The following PCDHGA4 variants were observed in gnomAD, a reference collection of about 807,000 sequenced individuals.
PCDHGA4 encodes the protein protocadherin gamma-A4.
PCDHGA4 carries 38 observed loss-of-function variants against 54.6 expected under a neutral mutation model. That is an observed-to-expected ratio of 0.70 (90% CI 0.54 to 0.91). The LOEUF (loss-of-function observed/expected upper bound fraction) is 0.91. Among genes scored for constraint, PCDHGA4 ranks in the 40% least tolerant of loss-of-function variants. The pLI is 0.00. For synonymous variants in PCDHGA4, 511 were observed against 512.9 expected, an observed-to-expected ratio of 1.00 and a Z score of 0.05; for missense variants, 1,298 against 1,220.9, an observed-to-expected ratio of 1.06 and a Z score of -0.94.
rs529029548 is a variant in PCDHGA4 at position 141,483,337 on chromosome 5, T to C, written c.2515-11470T>C. 9.2e-5 allele frequency among the ~76,000 whole-genome samples: 14 copies of C among 152,260 alleles called. No homozygotes were observed. In the East Asian group the frequency reaches 2.5e-3, roughly 27 times the overall value. On this transcript the variant is annotated intron_variant, in intron 1 of 3. Transcript: ENST00000571252. Reference sequence around the variant, plus strand: ...TGGGACTGGAGGCAAAGAGATCTTATCTCTTTGCAATAGTTTGAAAGCTAT... The same window carrying C: ...TGGGACTGGAGGCAAAGAGATCTTACCTCTTTGCAATAGTTTGAAAGCTAT...
chr5:141,476,820 T>C lies in PCDHGA4; in HGVS notation c.2515-17987T>C, dbSNP rs368919360. 6.2e-7 allele frequency: 1 copy of C among 1,613,594 alleles called. No individual in the cohort carries two copies. Among genetic ancestry groups the C allele is most frequent in the African/African-American group, 1.3e-5 (1 of 75,066 alleles). The stretch of plus-strand genomic sequence containing the variant: ...AGCCTGCCTATTCACATCAAGGTGC[T>C]GGACGCGAATGACAATGCGCCTGTC... On this transcript the variant is annotated intron_variant, in intron 1 of 3. Transcript: ENST00000571252. This position sits in a 1 kb window ranked among gnomAD's most constrained non-coding sequence, Gnocchi z 7.6.
Position 141,357,409 on chromosome 5 carries a change from G to A in PCDHGA4, c.2302G>A (p.Ala768Thr). Reference protein sequence around the residue: ...AEGSRLAGVPASHFVGVDGVR... With the variant: ...AEGSRLAGVPTSHFVGVDGVR... ...AGGCAGCAGGTTGGCAGGTGTGCCT[G>A]CCTCGCACTTTGTGGGCGTGGACGG... is the stretch of plus-strand genomic sequence containing the variant. Residue 768 changes from alanine (A) to threonine (T), a missense_variant, in exon 1 of 4, where the codon GCC becomes ACC. By Grantham distance (58) the Ala-to-Thr change is moderately conservative. Transcript: ENST00000571252. The A allele has an allele frequency of 2.5e-6, 4 of 1,614,250 alleles. No individual in the cohort carries two copies. The highest frequency in any genetic ancestry group is 2.5e-6 in the Non-Finnish European group (3 of 1,180,050).
intron 1 of PCDHGA4, among the ~76,000 whole-genome samples, chr5:141,457,415 C>T (rs185690067): frequency 3.9e-4 from 60 of 152,300 alleles, no homozygotes; most frequent in African/African-American, 1.3e-3. Flanking sequence ...CATTACCCAT[C>T]CCTTTTTCCC....
At chr5:141,359,720 C>T (rs1240719607) in intron 1 of PCDHGA4, among the ~76,000 whole-genome samples, 1 of 152,140 alleles carries the variant, frequency 6.6e-6, no homozygotes, top group Non-Finnish European at 1.5e-5. Context: ...AACTTTAACA[C>T]TCATTTCCCC....
At chr5:141,373,548 A>G (rs546721232) in intron 1 of PCDHGA4, among the ~76,000 whole-genome samples, 5 of 152,332 alleles carry the variant, frequency 3.3e-5, no homozygotes, top group African/African-American at 9.6e-5. Context: ...GGTTGTTGGT[A>G]CCCTTACTGA....
In PCDHGA4 at chr5:141,501,176, T is replaced by C. The variant is rs917315609; in HGVS notation, c.2574-4217T>C. ...GCCACCATCCCCAGCCTCATTTACA[T>C]TTTAACACAATTAAATTCAGGGTGT... On this transcript the variant is annotated intron_variant, in intron 2 of 3. Coordinates refer to ENST00000571252, the MANE Select transcript of PCDHGA4 (RefSeq NM_018917.4). Among the ~76,000 whole-genome samples, 16 of 152,244 alleles carry C rather than the reference T, an allele frequency of 1.1e-4. No homozygotes were observed. In the South Asian group the frequency reaches 3.3e-3, roughly 32 times the overall value.
Position 141,393,047 on chromosome 5 carries a change from C to G in PCDHGA4, c.2514+35426C>G, listed in dbSNP as rs778464494. ...GTAGGACGCAGCTCTTTGCTCTGAA[C>G]CCGCGCAGCGGCAGCTTGATCACCG... On this transcript the variant is annotated intron_variant, in intron 1 of 3. Transcript: ENST00000571252. 16 of 1,613,566 alleles carry G rather than the reference C, an allele frequency of 9.9e-6. No homozygotes were observed. The South Asian group carries it at 1.6e-4, about 17-fold the overall frequency.
In PCDHGA4 at chr5:141,413,117, C is replaced by G. The variant is rs902301902; in HGVS notation, c.2514+55496C>G. 1.9e-5 allele frequency: 29 copies of G among 1,509,004 alleles called. No homozygotes were observed. In the African/African-American group the frequency reaches 4.1e-4, roughly 21 times the overall value. The allele number at this position is 1,509,004 out of a possible 1,614,324, so 93.5% of individuals were successfully genotyped here. ...TGAAGCCACAGAAAGACAAAGGAAC[C>G]GGTTGAAACACACAACGTGTCCAGT... On this transcript the variant is annotated intron_variant, in intron 1 of 3. Transcript: ENST00000571252.
At chr5:141,501,423 A>G (rs1195105794) in intron 2 of PCDHGA4, among the ~76,000 whole-genome samples, 4 of 151,966 alleles carry the variant, frequency 2.6e-5, no homozygotes, top group African/African-American at 7.2e-5. Flanking sequence ...AGTTGACTAA[A>G]TGTAGTCCAT....
chr5:141,361,128 C>T, intron 1 of PCDHGA4: 1 of 1,613,960 alleles, frequency 6.2e-7, no homozygotes, highest in African/African-American at 1.3e-5. Context: ...CAGCCCACTG[C>T]AGTATCCAAG....
In PCDHGA4 at chr5:141,490,091, A is replaced by T; in HGVS notation, c.2515-4716A>T. 6.2e-7 allele frequency: 1 copy of T among 1,614,240 alleles called. No homozygotes were observed. Among genetic ancestry groups the T allele is most frequent in the East Asian group, 2.2e-5 (1 of 44,888 alleles). ...CAACTAGACTATTCTTTTGGAGACC[A>T]CACATCTGAGGCAGTGCGGAACCTC... On this transcript the variant is annotated intron_variant, in intron 1 of 3. Coordinates refer to ENST00000571252, the MANE Select transcript of PCDHGA4 (RefSeq NM_018917.4). The surrounding 1 kb of genome is among the most constrained non-coding windows in gnomAD (Gnocchi z 5.4).
intron 1 of PCDHGA4, chr5:141,418,087 C>G (rs2096220274): frequency 6.2e-7 from 1 of 1,613,894 alleles, no homozygotes; most frequent in African/African-American, 1.3e-5. Context: ...TGCACTTCAG[C>G]GTAGACGCGC....
At chr5:141,413,804 C>G in intron 1 of PCDHGA4, 1 of 1,613,194 alleles carries the variant, frequency 6.2e-7, no homozygotes, top group Non-Finnish European at 8.5e-7. Context: ...GAGGAAGAGG[C>G]CATTCACCAC....
At chr5:141,450,211 T>TTTCA (rs1038674129) in intron 1 of PCDHGA4, among the ~76,000 whole-genome samples, 23 of 152,166 alleles carry the variant, frequency 1.5e-4, no homozygotes, top group African/African-American at 4.3e-4. Flanking sequence ...AGAGACAAGG[T>TTTCA]TTCACTATGT....
At chr5:141,364,902 A>T (rs781602444) in intron 1 of PCDHGA4, 8 of 1,614,032 alleles carry the variant, frequency 5.0e-6, no homozygotes, top group Non-Finnish European at 6.8e-6. Flanking sequence ...GGACAAAAGT[A>T]TCCGGAGCTG....
intron 1 of PCDHGA4, among the ~76,000 whole-genome samples, chr5:141,430,014 G>A (rs925858697): frequency 6.6e-6 from 1 of 152,130 alleles, no homozygotes; most frequent in South Asian, 2.1e-4. Context: ...TTTCACTTGG[G>A]TTCTTGTTAA....
intron 1 of PCDHGA4, chr5:141,388,158 A>T (rs763395906): frequency 3.4e-5 from 50 of 1,469,960 alleles, no homozygotes; most frequent in Non-Finnish European, 4.7e-5. Flanking sequence ...CAGGCTAGAC[A>T]GGGAGGAGAT....
chr5:141,457,504 A>G (rs2098922754), intron 1 of PCDHGA4, among the ~76,000 whole-genome samples: 1 of 152,222 alleles, frequency 6.6e-6, no homozygotes, highest in Non-Finnish European at 1.5e-5. Context: ...GTAGGCAAAA[A>G]GCTTAAAAAC....
At position 141,501,290 on chromosome 5, in the gene PCDHGA4, TACACACACACAC is replaced by T. The variant is rs55762287; in HGVS notation, c.2574-4070_2574-4059del. Among the ~76,000 whole-genome samples, 15 of 136,248 alleles carry T rather than the reference TACACACACACAC, an allele frequency of 1.1e-4. No homozygotes were observed. The South Asian group carries it at 1.2e-3, about 11-fold the overall frequency. The allele number at this position is 136,248 out of a possible 152,430, so 89.4% of individuals were successfully genotyped here. A position where few individuals can be genotyped will look rare whatever the true frequency, so the allele number is the denominator to read the frequency against. ...GTCCAGTCTATGGGATATTCCCTTA[TACACACACACAC>T]ACACACACACACACACACACACACA... On this transcript the variant is annotated intron_variant, in intron 2 of 3. Transcript: ENST00000571252.
Sources: allele counts gnomAD v4.1 joint callset (sites outside exome capture counted in the v4.1 genomes callset), GRCh38; gene constraint gnomAD v4.1.1; non-coding constraint Gnocchi (gnomAD v3.1); transcripts MANE v1.5; gene names NCBI Gene and HGNC (gene_info 2026-07-23, HGNC 2026-07-21).